The following KCNIP4 variants were observed in gnomAD, a reference collection of about 807,000 sequenced individuals.
KCNIP4 encodes the protein potassium voltage-gated channel interacting protein 4, also known as Kv channel-interacting protein 4.
Under a neutral mutation model 34.0 loss-of-function variants are expected in KCNIP4, and 12 were observed. The observed-to-expected ratio is 0.35, with a 90% CI of 0.23 to 0.57. The LOEUF (loss-of-function observed/expected upper bound fraction) is 0.57, where lower values mean the gene tolerates loss of function less well. Among genes scored for constraint, KCNIP4 ranks in the 20% least tolerant of loss-of-function variants. The pLI, the probability that KCNIP4 is intolerant of heterozygous loss-of-function variation, is 0.83. For synonymous variants in KCNIP4, 124 were observed against 102.2 expected (o/e 1.21, Z -1.29); for missense variants, 238 against 311.7 (o/e 0.76, Z 1.78).
At chr4:21,030,349 G>T (rs1380505428) in intron 1 of KCNIP4, among the ~76,000 whole-genome samples, 1 of 152,054 alleles carries the variant, frequency 6.6e-6, no homozygotes, top group Non-Finnish European at 1.5e-5. Context: ...CTATCTAGTG[G>T]CAAGAAAACA....
intron 1 of KCNIP4, among the ~76,000 whole-genome samples, chr4:21,072,085 T>C (rs1744995302): frequency 6.6e-6 from 1 of 152,222 alleles, no homozygotes; most frequent in Non-Finnish European, 1.5e-5. Context: ...CTATTGTGAA[T>C]AGTGCCGCAA....
At chr4:21,332,145 G>C (rs1715702595) in intron 1 of KCNIP4, among the ~76,000 whole-genome samples, 1 of 152,046 alleles carries the variant, frequency 6.6e-6, no homozygotes, top group Non-Finnish European at 1.5e-5. Context: ...AATGGAATCA[G>C]AAGCAGCAAA....
At chr4:21,222,298 A>C (rs1758037960) in intron 1 of KCNIP4, among the ~76,000 whole-genome samples, 1 of 152,166 alleles carries the variant, frequency 6.6e-6, no homozygotes, top group African/African-American at 2.4e-5. Context: ...ATTAGCAATC[A>C]AAGGAAGCAC....
At chr4:21,538,684 T>C (rs1737427043) in intron 1 of KCNIP4, among the ~76,000 whole-genome samples, 1 of 152,184 alleles carries the variant, frequency 6.6e-6, no homozygotes, top group Admixed American at 6.5e-5. Flanking sequence ...AACACACCCT[T>C]CACATGGAGC....
Position 21,155,581 on chromosome 4 carries a change from G to A in KCNIP4, c.62-272872C>T, listed in dbSNP as rs565301703. Among the ~76,000 whole-genome samples the A allele has an allele frequency of 9.2e-5, 14 of 152,230 alleles. No homozygotes were observed. The East Asian group carries it at 1.2e-3, about 13-fold the overall frequency. On this transcript the variant is annotated intron_variant, in intron 1 of 8. Transcript: ENST00000382152. ...ATTAGTTAATAAAGAGCTATTGGAC[G>A]TTCTTAATCCTAGTGAGGGCATAAG... is the stretch of plus-strand genomic sequence containing the variant.
At chr4:21,483,789 CAAAAATAAAAATAAAAATAAAAAT>C (rs60570638) in intron 1 of KCNIP4, among the ~76,000 whole-genome samples, 8 of 145,856 alleles carry the variant, frequency 5.5e-5, no homozygotes, top group East Asian at 4.2e-4. Context: ...GACTCCATCT[CAAAAATAAAAATAAAAATAAAAAT>C]AAAAATAAAA....
At chr4:20,772,649 CTTTTT>C (rs927106009) in intron 3 of KCNIP4, among the ~76,000 whole-genome samples, 4 of 148,980 alleles carry the variant, frequency 2.7e-5, no homozygotes, top group African/African-American at 7.4e-5. Context: ...TTTCTTTCTT[CTTTTT>C]TTTTTCTTCC....
At chr4:21,538,011 CAAAAAAAAAAAAAAAAAAA>C (rs71191517) in intron 1 of KCNIP4, among the ~76,000 whole-genome samples, 2 of 51,240 alleles carry the variant, frequency 3.9e-5, no homozygotes, top group Non-Finnish European at 7.2e-5. Context: ...GATTCCGTCT[CAAAAAAAAAAAAAAAAAAA>C]AAAAAAAAAG....
chr4:20,852,653 G>A (rs1212651823), intron 2 of KCNIP4, among the ~76,000 whole-genome samples: 1 of 152,030 alleles, frequency 6.6e-6, no homozygotes, highest in Non-Finnish European at 1.5e-5. Flanking sequence ...AAGAAAACAA[G>A]GGCATCCAAA....
At chr4:20,979,766 T>G (rs1159002888) in intron 1 of KCNIP4, among the ~76,000 whole-genome samples, 3 of 151,572 alleles carry the variant, frequency 2.0e-5, no homozygotes, top group Non-Finnish European at 4.4e-5. Flanking sequence ...AAAACATGGA[T>G]CTGTCCCACT....
chr4:21,486,732 T>C (rs1731950661), intron 1 of KCNIP4, among the ~76,000 whole-genome samples: 3 of 152,208 alleles, frequency 2.0e-5, no homozygotes, highest in Non-Finnish European at 2.9e-5. Context: ...AGATTTCCCA[T>C]ATATGCTGTA....
chr4:20,952,105 C>T (rs945045066), intron 1 of KCNIP4, among the ~76,000 whole-genome samples: 8 of 152,172 alleles, frequency 5.3e-5, no homozygotes, highest in Admixed American at 4.6e-4. Context: ...AGCTGGATTA[C>T]AAATACATTT....
intron 1 of KCNIP4, among the ~76,000 whole-genome samples, chr4:21,486,416 G>A (rs961606186): frequency 1.3e-5 from 2 of 152,154 alleles, no homozygotes; most frequent in Non-Finnish European, 2.9e-5. Flanking sequence ...GAACCTAGAA[G>A]ATGAGATATA....
chr4:20,897,924 C>T (rs1726732039), intron 1 of KCNIP4, among the ~76,000 whole-genome samples: 1 of 151,998 alleles, frequency 6.6e-6, no homozygotes, highest in Admixed American at 6.6e-5. Flanking sequence ...CTAAGGGATA[C>T]CCAGATACCT....
rs755516734 is a variant in KCNIP4 at position 20,731,995 on chromosome 4, T to C, written c.705+11A>G. ...AGCTGAATTGATAGTTATTACACTT[T>C]CATTACTTACTTTTTGGCAGCTTTC... On this transcript the variant is annotated intron_variant, in intron 8 of 8. Transcript: ENST00000382152. The C allele has an allele frequency of 3.2e-5, 52 of 1,613,028 alleles. No homozygotes were observed. The Admixed American group carries it at 6.7e-4, about 21-fold the overall frequency.
At chr4:20,901,797 A>C (rs1422915739) in intron 1 of KCNIP4, among the ~76,000 whole-genome samples, 1 of 152,138 alleles carries the variant, frequency 6.6e-6, no homozygotes, top group Non-Finnish European at 1.5e-5. Context: ...AAATGAAATG[A>C]GTACCCAGAG....
At chr4:20,979,153 C>G (rs938686274) in intron 1 of KCNIP4, among the ~76,000 whole-genome samples, 4 of 152,138 alleles carry the variant, frequency 2.6e-5, no homozygotes, top group African/African-American at 9.7e-5. Flanking sequence ...ACATTTCTTT[C>G]TTTTCTCATA....
At chr4:21,064,509 A>G (rs758926483) in intron 1 of KCNIP4, among the ~76,000 whole-genome samples, 1 of 152,088 alleles carries the variant, frequency 6.6e-6, no homozygotes, top group Non-Finnish European at 1.5e-5. Context: ...TATTTTACCA[A>G]TTCTGTGGTT....
intron 1 of KCNIP4, among the ~76,000 whole-genome samples, chr4:21,039,840 A>G (rs28366962): frequency 0.029 from 4,419 of 152,252 alleles, 192 homozygotes; most frequent in African/African-American, 0.1. Flanking sequence ...CAGCCTCTCA[A>G]TGATGTACTC....
Sources: allele counts gnomAD v4.1 joint callset (sites outside exome capture counted in the v4.1 genomes callset), GRCh38; gene constraint gnomAD v4.1.1; transcripts MANE v1.5; gene names NCBI Gene and HGNC (gene_info 2026-07-23, HGNC 2026-07-21).